NRXN3: variants seen among roughly 807,000 people sequenced by gnomAD.
NRXN3 encodes neurexin 3, also known as neurexin III.
A neutral mutation model predicts 137.6 loss-of-function variants in NRXN3; 32 were observed. The ratio of observed to expected loss-of-function variants is 0.23; its 90% CI spans 0.18 to 0.31. The LOEUF (loss-of-function observed/expected upper bound fraction) is 0.31, where lower values mean the gene tolerates loss of function less well. Ranked by LOEUF, NRXN3 falls within the 10% of genes least tolerant of loss-of-function variation. NRXN3 has a pLI of 1.00. For synonymous variants in NRXN3, 798 were observed against 784.5 expected, an observed-to-expected ratio of 1.02 and a Z score of -0.29; for missense variants, 1,574 against 2,062.5, an observed-to-expected ratio of 0.76 and a Z score of 4.59.
chr14:79,592,701 A>C (rs1156893574), intron 16 of NRXN3, among the ~76,000 whole-genome samples: 2 of 152,210 alleles, frequency 1.3e-5, no homozygotes, highest in Non-Finnish European at 2.9e-5. Flanking sequence ...TAAGTAAAGA[A>C]AAACAATTTG....
intron 1 of NRXN3, among the ~76,000 whole-genome samples, chr14:78,179,824 G>GTTTTTTTTTTTTTTT (rs1566912649): frequency 1.6e-4 from 2 of 12,620 alleles, no homozygotes; most frequent in Non-Finnish European, 4.4e-4. Flanking sequence ...TTTTTTTTTT[G>GTTTTTTTTTTTTTTT]TTTGTTTCTG....
rs192661425 is a variant in NRXN3 at position 79,264,174 on chromosome 14, C to T, written c.3263-203047C>T. On this transcript the variant is annotated intron_variant, in intron 15 of 20. Transcript: ENST00000335750. ...GACTCACATGGCTCACTGCAACTTC[C>T]GCCTCCCAGGTTCAAGCGCTTCTCC... is the stretch of plus-strand genomic sequence containing the variant. 2.1e-3 allele frequency among the ~76,000 whole-genome samples: 313 copies of T among 152,176 alleles called. 1 individual carries two copies. Among genetic ancestry groups the T allele is most frequent in the South Asian group, 5.8e-3 (28 of 4,820 alleles).
chr14:78,693,099 AAAAC>A (rs1219238092), intron 6 of NRXN3, among the ~76,000 whole-genome samples: 1 of 152,068 alleles, frequency 6.6e-6, no homozygotes, highest in Non-Finnish European at 1.5e-5. Flanking sequence ...AAAACAAAAC[AAAAC>A]AAACAAACAA....
intron 4 of NRXN3, among the ~76,000 whole-genome samples, chr14:78,388,685 CTT>C (rs1453117222): frequency 6.6e-6 from 1 of 152,052 alleles, no homozygotes; most frequent in Non-Finnish European, 1.5e-5. Flanking sequence ...CTATCTAACC[CTT>C]TATAGAGTTA....
At chr14:79,342,550 A>G (rs2092665815) in intron 15 of NRXN3, among the ~76,000 whole-genome samples, 1 of 149,644 alleles carries the variant, frequency 6.7e-6, no homozygotes, top group Non-Finnish European at 1.5e-5. Context: ...TATTGTTTGT[A>G]TCAGATTTTT....
At chr14:79,370,328 T>TG (rs971831576) in intron 15 of NRXN3, among the ~76,000 whole-genome samples, 1 of 151,204 alleles carries the variant, frequency 6.6e-6, no homozygotes, top group African/African-American at 2.4e-5. Context: ...TTTTTGTTTT[T>TG]TTTTTTTGAG....
At chr14:78,538,976 G>C (rs1384635668) in intron 4 of NRXN3, among the ~76,000 whole-genome samples, 1 of 152,188 alleles carries the variant, frequency 6.6e-6, no homozygotes, top group Admixed American at 6.5e-5. Context: ...ACTTGATCAT[G>C]GTGGATAAGC....
chr14:79,751,642 C>T (rs2098998064), intron 19 of NRXN3, among the ~76,000 whole-genome samples: 1 of 151,450 alleles, frequency 6.6e-6, no homozygotes, highest in Non-Finnish European at 1.5e-5. Context: ...GCATCCCTGT[C>T]TTGTGCCAGT....
At chr14:78,184,464 C>T (rs2060065044) in intron 1 of NRXN3, among the ~76,000 whole-genome samples, 1 of 152,230 alleles carries the variant, frequency 6.6e-6, no homozygotes, top group Non-Finnish European at 1.5e-5. Context: ...TGCAGGGCTT[C>T]TCTCTCTTTG....
chr14:78,563,254 C>G (rs1019976549), intron 4 of NRXN3, among the ~76,000 whole-genome samples: 1 of 152,158 alleles, frequency 6.6e-6, no homozygotes, highest in Non-Finnish European at 1.5e-5. Flanking sequence ...AAAAGCAAGG[C>G]AAAGGGCTCT....
At chr14:79,587,308 CT>C (rs2097771128) in intron 16 of NRXN3, among the ~76,000 whole-genome samples, 1 of 152,132 alleles carries the variant, frequency 6.6e-6, no homozygotes, top group Non-Finnish European at 1.5e-5. Context: ...ATATAGTTTC[CT>C]TTGGCTTCTT....
chr14:79,709,783 G>T (rs1053460175), intron 19 of NRXN3, among the ~76,000 whole-genome samples: 5 of 152,030 alleles, frequency 3.3e-5, no homozygotes, highest in African/African-American at 1.2e-4. Flanking sequence ...TGCCCTACTG[G>T]CTGGGAAGCT....
At chr14:78,653,743 A>G (rs79217004) in intron 6 of NRXN3, among the ~76,000 whole-genome samples, 2,982 of 151,556 alleles carry the variant, frequency 0.02, 113 homozygotes, top group African/African-American at 0.069. Flanking sequence ...ACACACACAC[A>G]TTTTTGCTGC....
Position 79,095,572 on chromosome 14 carries a change from C to A in NRXN3, c.3262+107431C>A, listed in dbSNP as rs2050161005. Among the ~76,000 whole-genome samples, 4 of 151,070 alleles carry A rather than the reference C, an allele frequency of 2.6e-5. No individual in the cohort carries two copies. In the South Asian group the frequency reaches 8.3e-4, roughly 32 times the overall value. On this transcript the variant is annotated intron_variant, in intron 15 of 20. Transcript: ENST00000335750. ...GAGCACCTACTATTTTTTTTTTTTA[C>A]CAGGCAATGCTTTAGGTGTTGAAGA...
At chr14:79,737,513 TC>T (rs1646544150) in intron 19 of NRXN3, among the ~76,000 whole-genome samples, 2 of 152,220 alleles carry the variant, frequency 1.3e-5, no homozygotes, top group Non-Finnish European at 1.5e-5. Flanking sequence ...ATATTGTTAT[TC>T]CTGCCTAAGA....
At chr14:79,446,746 CT>C (rs2096070062) in intron 15 of NRXN3, among the ~76,000 whole-genome samples, 2 of 151,964 alleles carry the variant, frequency 1.3e-5, no homozygotes, top group African/African-American at 4.8e-5. Context: ...ATAATGAACT[CT>C]TGTGTGCATA....
intron 4 of NRXN3, among the ~76,000 whole-genome samples, chr14:78,309,396 A>G (rs954175364): frequency 4.0e-5 from 6 of 151,752 alleles, no homozygotes; most frequent in Non-Finnish European, 5.9e-5. Context: ...TTTGTCACCC[A>G]GGTAATAAGC....
chr14:78,271,283 C>A (rs1013327472), intron 2 of NRXN3, among the ~76,000 whole-genome samples: 4 of 152,134 alleles, frequency 2.6e-5, no homozygotes, highest in Non-Finnish European at 4.4e-5. Context: ...TGATTTTGCA[C>A]AGCAAAATGA....
chr14:78,344,030 T>C (rs1023874750), intron 4 of NRXN3, among the ~76,000 whole-genome samples: 3 of 152,278 alleles, frequency 2.0e-5, no homozygotes, highest in African/African-American at 4.8e-5. Context: ...ACGTCTGCAG[T>C]GGGTGGCTAT....
Sources: allele counts gnomAD v4.1 joint callset (sites outside exome capture counted in the v4.1 genomes callset), GRCh38; gene constraint gnomAD v4.1.1; transcripts MANE v1.5; gene names NCBI Gene and HGNC (gene_info 2026-07-23, HGNC 2026-07-21).